The following GSTO1 variants were observed in gnomAD, a reference collection of about 807,000 sequenced individuals.
The protein encoded by GSTO1 is glutathione S-transferase omega-1.
GSTO1 carries 27 observed loss-of-function variants against 23.8 expected under a neutral mutation model. The ratio of observed to expected loss-of-function variants is 1.13; its 90% CI spans 0.83 to 1.56. GSTO1 has a LOEUF of 1.56. Among genes scored for constraint, GSTO1 ranks in the 40% most tolerant of loss-of-function variants. The pLI is 0.00. For missense variants in GSTO1, 255 were observed against 285.8 expected (o/e 0.89, Z 0.78); for synonymous variants, 105 against 109.3 (o/e 0.96, Z 0.25).
chr10:104,267,419 C>A lies in GSTO1; in HGVS notation c.*14C>A, dbSNP rs1278585065. 16 of 1,571,794 alleles carry A rather than the reference C, an allele frequency of 1.0e-5. No homozygotes were observed. Among genetic ancestry groups the A allele is most frequent in the Non-Finnish European group, 1.4e-5 (16 of 1,161,514 alleles). ...TATGGGCTCTGAAGGGGGCAGGAGT[C>A]AGCAATAAAGCTATGTCTGATATTT... On this transcript the variant is annotated 3_prime_UTR_variant, in exon 6 of 6. Transcript: ENST00000369713.
intron 2 of GSTO1, 45 bp from the exon 3 acceptor site, chr10:104,259,531 C>A (rs764172561): frequency 7.7e-7 from 1 of 1,293,252 alleles, no homozygotes; most frequent in Admixed American, 1.8e-5. Context: ...TCCAAAAGCA[C>A]AAAAGTTGTT....
chr10:104,260,128 T>C (rs1411580454), intron 3 of GSTO1, among the ~76,000 whole-genome samples: 1 of 152,164 alleles, frequency 6.6e-6, no homozygotes. Flanking sequence ...ATTTTTCACA[T>C]GTCTGCTCCG....
intron 4 of GSTO1, among the ~76,000 whole-genome samples, chr10:104,265,171 AAC>A (rs2135066402): frequency 6.6e-6 from 1 of 152,376 alleles, no homozygotes; most frequent in South Asian, 2.1e-4. Context: ...ATAAAAACAC[AAC>A]ACGTTTTCAC....
upstream of GSTO1, chr10:104,254,775 G>A (rs2091592912): frequency 1.4e-6 from 1 of 713,168 alleles, no homozygotes. Context: ...CCATAAAGCC[G>A]GGAAGGCACA....
At position 104,259,688 on chromosome 10, in the gene GSTO1, T is replaced by C; in HGVS notation, c.256T>C (p.Ser86Pro). The C allele has an allele frequency of 6.2e-7, 1 of 1,613,218 alleles. No homozygotes were observed. Among genetic ancestry groups the C allele is most frequent in the Non-Finnish European group, 8.5e-7 (1 of 1,179,264 alleles). ...ENSQGQLIYE[S>P]AITCEYLDEA... ...CAGTCAGGGTCAGCTGATCTACGAG[T>C]CTGCCATCACCTGTGAGTACCTGGA... Residue 86 changes from serine (S) to proline (P), a missense_variant, in exon 3 of 6, where the codon TCT (serine) becomes CCT (proline). By Grantham distance (74) the Ser-to-Pro change is moderately conservative. Transcript: ENST00000369713.
chr10:104,257,908 T>C (rs74154766), intron 2 of GSTO1, among the ~76,000 whole-genome samples: 11,251 of 152,274 alleles, frequency 0.074, 1,398 homozygotes, highest in African/African-American at 0.26. Context: ...GAGTCCTTAT[T>C]TGAAACTTTT....
chr10:104,254,574 G>T, upstream of GSTO1: 1 of 397,922 alleles, frequency 2.5e-6, no homozygotes, highest in Admixed American at 4.3e-5. Context: ...GTGCTTCGAG[G>T]TCAGTGTCAC....
rs1564837370 is a variant in GSTO1, at chr10:104,263,078, G to C, written c.465+1G>C. ...TAAAGAATTTACCAAGCTAGAGGAG[G>C]TAATTATTTCTCCTAGCTATCATCA... On this transcript the variant is annotated splice_donor_variant, in intron 4 of 5. Coordinates refer to ENST00000369713, the MANE Select transcript of GSTO1 (RefSeq NM_004832.3). LOFTEE classifies it high-confidence loss of function. The C allele has an allele frequency of 8.3e-7, 1 of 1,203,080 alleles. No homozygotes were observed. Among genetic ancestry groups the C allele is most frequent in the Non-Finnish European group, 1.2e-6 (1 of 815,308 alleles). The allele number at this position is 1,203,080 out of a possible 1,614,324, so 74.5% of individuals were successfully genotyped here. A position where few individuals can be genotyped will look rare whatever the true frequency, so the allele number is the denominator to read the frequency against.
At chr10:104,259,918 A>G in intron 3 of GSTO1, 120 bp downstream of exon 3, 1 of 664,874 alleles carries the variant, frequency 1.5e-6, no homozygotes, top group South Asian at 1.9e-5. Context: ...TATGCTTGTC[A>G]GCTCTGAGTG....
chr10:104,264,629 T>G (rs938234766), intron 4 of GSTO1, among the ~76,000 whole-genome samples: 1 of 152,196 alleles, frequency 6.6e-6, no homozygotes, highest in Non-Finnish European at 1.5e-5. Context: ...TCCAGTATAT[T>G]TTAAGTACAA....
Position 104,267,366 on chromosome 10 carries a change from C to G in GSTO1, c.687C>G (p.Tyr229Ter). Residue 229 changes from tyrosine (Y) to a stop codon, truncating the protein, a stop_gained, in exon 6 of 6, where the codon TAC becomes TAG. Transcript: ENST00000369713. LOFTEE classifies it high-confidence loss of function. ...ACTGGCAAGGTTTCCTAGAGCTCTACTTACAGAACAGCCCTGAGGCCTGTG... is the reference window on the plus strand; with the variant it reads ...ACTGGCAAGGTTTCCTAGAGCTCTAGTTACAGAACAGCCCTGAGGCCTGTG... ...EKDWQGFLEL[Y>*]LQNSPEACDY... is the part of the protein sequence containing the mutation. 1 of 1,613,868 alleles carries G rather than the reference C, an allele frequency of 6.2e-7. No homozygotes were observed. Among genetic ancestry groups the G allele is most frequent in the Non-Finnish European group, 8.5e-7 (1 of 1,179,768 alleles).
At chr10:104,257,045 A>G (rs1023832195) in intron 2 of GSTO1, among the ~76,000 whole-genome samples, 2 of 152,172 alleles carry the variant, frequency 1.3e-5, no homozygotes, top group African/African-American at 4.8e-5. Flanking sequence ...ATGCTGTTCT[A>G]GCTACAGCTG....
intron 2 of GSTO1, among the ~76,000 whole-genome samples, chr10:104,257,086 G>T (rs1253504768): frequency 6.6e-6 from 1 of 151,706 alleles, no homozygotes; most frequent in Non-Finnish European, 1.5e-5. Context: ...AAAAGGTATT[G>T]GTGTCTATTT....
intron 2 of GSTO1, among the ~76,000 whole-genome samples, chr10:104,257,058 G>C (rs116173299): frequency 1.0e-3 from 155 of 152,122 alleles, no homozygotes; most frequent in African/African-American, 3.6e-3. Context: ...TACAGCTGTG[G>C]ATGGGAAAAT....
intron 2 of GSTO1, among the ~76,000 whole-genome samples, chr10:104,255,501 T>G (rs1356118320): frequency 6.6e-6 from 1 of 152,218 alleles, no homozygotes; most frequent in East Asian, 1.9e-4. Flanking sequence ...AACCAACCAT[T>G]TAATGGATTA....
At position 104,259,680 on chromosome 10, in the gene GSTO1, T is replaced by C. The variant is rs1173648582; in HGVS notation, c.248T>C (p.Ile83Thr). Residue 83 changes from isoleucine (I) to threonine (T), a missense_variant, in exon 3 of 6, where the codon ATC becomes ACC. Ile to Thr is a moderately conservative substitution (Grantham distance 89). Coordinates refer to ENST00000369713, the MANE Select transcript of GSTO1 (RefSeq NM_004832.3). ...CTGGAAAACAGTCAGGGTCAGCTGA[T>C]CTACGAGTCTGCCATCACCTGTGAG... is the stretch of plus-strand genomic sequence containing the variant. ...PVLENSQGQLIYESAITCEYL... is the reference protein window; with the variant it reads ...PVLENSQGQLTYESAITCEYL... 70 of 1,613,062 alleles carry C rather than the reference T, an allele frequency of 4.3e-5. No homozygotes were observed. The highest frequency in any genetic ancestry group is 5.8e-5 in the Non-Finnish European group (68 of 1,179,156).
Position 104,267,453 on chromosome 10 carries a change from T to C in GSTO1, c.*48T>C. 2 of 1,364,848 alleles carry C rather than the reference T, an allele frequency of 1.5e-6. No individual in the cohort carries two copies. The highest frequency in any genetic ancestry group is 1.5e-5 in the African/African-American group (1 of 68,198). The allele number at this position is 1,364,848 out of a possible 1,614,324, so 84.5% of individuals were successfully genotyped here. A position where few individuals can be genotyped will look rare whatever the true frequency, so the allele number is the denominator to read the frequency against. ...AGCTATGTCTGATATTTTCCTTCAC[T>C]AATATGAATAATAGCATGCTTTTAT... On this transcript the variant is annotated 3_prime_UTR_variant, in exon 6 of 6. Coordinates refer to ENST00000369713, the MANE Select transcript of GSTO1 (RefSeq NM_004832.3).
At chr10:104,255,333 T>C (rs1410115649) in intron 2 of GSTO1, 62 bp downstream of exon 2, 2 of 1,091,574 alleles carry the variant, frequency 1.8e-6, no homozygotes, top group Non-Finnish European at 2.8e-6. Flanking sequence ...GGCGGCGGGG[T>C]GGGGTGGGGT....
rs2091596839 is a variant in GSTO1, at chr10:104,255,208, A to G, written c.80A>G (p.Tyr27Cys). The G allele has an allele frequency of 2.5e-6, 4 of 1,613,724 alleles. No individual in the cohort carries two copies. The highest frequency in any genetic ancestry group is 3.4e-6 in the Non-Finnish European group (4 of 1,179,852). ...GTCCCGGAGGGCTCGATCCGCATCTACAGCATGAGGTTCTGCCCGTTTGCT... is the reference window on the plus strand; with the variant it reads ...GTCCCGGAGGGCTCGATCCGCATCTGCAGCATGAGGTTCTGCCCGTTTGCT... ...GPVPEGSIRI[Y>C]SMRFCPFAER... The change falls in exon 2 of 6, where the codon TAC (tyrosine) becomes TGC (cysteine). Residue 27 changes from tyrosine (Y) to cysteine (C), a missense_variant. Tyr to Cys is a radical substitution (Grantham distance 194, BLOSUM62 -2). Transcript: ENST00000369713.
Sources: gnomAD v4.1 joint callset for allele counts (sites outside exome capture counted in the v4.1 genomes callset) on GRCh38, gnomAD v4.1.1 for gene constraint, MANE v1.5 for transcripts, NCBI Gene and HGNC (gene_info 2026-07-23, HGNC 2026-07-21) for gene names.